Variants in TMEM200A observed in about 807,000 individuals in gnomAD.
TMEM200A encodes transmembrane protein 200A.
In TMEM200A, 12 loss-of-function variants were observed where a neutral mutation model predicts 24.3. The ratio of observed to expected loss-of-function variants is 0.49; its 90% CI spans 0.32 to 0.80. The LOEUF (loss-of-function observed/expected upper bound fraction) is 0.80. Among genes scored for constraint, TMEM200A ranks in the 30% least tolerant of loss-of-function variants. The pLI, the probability that TMEM200A is intolerant of heterozygous loss-of-function variation, is 0.04. For missense variants in TMEM200A, 545 were observed against 614.4 expected (o/e 0.89, Z 1.19); for synonymous variants, 224 against 224.4 (o/e 1.00, Z 0.02).
At chr6:130,407,518 T>C (rs1056653624) in intron 2 of TMEM200A, among the ~76,000 whole-genome samples, 3 of 152,248 alleles carry the variant, frequency 2.0e-5, no homozygotes, top group African/African-American at 4.8e-5. Flanking sequence ...TTGCCTCAAT[T>C]AGCACTCTTT....
chr6:130,386,620 C>T (rs1778717628), intron 2 of TMEM200A, among the ~76,000 whole-genome samples: 1 of 152,156 alleles, frequency 6.6e-6, no homozygotes, highest in African/African-American at 2.4e-5. Flanking sequence ...CCTTTTCAAA[C>T]ATCAACTTCT....
At chr6:130,378,742 AG>A (rs1778527816) in intron 1 of TMEM200A, among the ~76,000 whole-genome samples, 1 of 151,244 alleles carries the variant, frequency 6.6e-6, no homozygotes, top group East Asian at 1.9e-4. Context: ...AAAAAAAAAA[AG>A]ATCTTGAGTA....
intron 2 of TMEM200A, among the ~76,000 whole-genome samples, chr6:130,406,883 G>C (rs1779220505): frequency 1.3e-5 from 2 of 152,214 alleles, no homozygotes; most frequent in South Asian, 4.1e-4. Context: ...TTGATCTCTT[G>C]ATGGCTGATC....
rs948473564 is a variant in TMEM200A, at chr6:130,407,684, G to A, written c.-17+22448G>A. On this transcript the variant is annotated intron_variant, in intron 2 of 2. Coordinates refer to ENST00000296978, the MANE Select transcript of TMEM200A (RefSeq NM_001258277.2). ...AGATGAGTAAGAGCCAAGAAGCTCCGAGGTGCCTCTAATGTGAAGGGGAAA... is the reference window on the plus strand; with the variant it reads ...AGATGAGTAAGAGCCAAGAAGCTCCAAGGTGCCTCTAATGTGAAGGGGAAA... Among the ~76,000 whole-genome samples the A allele has an allele frequency of 2.6e-5, 4 of 152,184 alleles. No homozygotes were observed. The East Asian group carries it at 5.8e-4, about 22-fold the overall frequency.
intron 2 of TMEM200A, among the ~76,000 whole-genome samples, chr6:130,402,196 TAAAC>T (rs542817695): frequency 5.5e-4 from 84 of 151,868 alleles, no homozygotes; most frequent in African/African-American, 1.5e-3. Flanking sequence ...GTTCATATAA[TAAAC>T]AAACAGAGTA....
intron 2 of TMEM200A, among the ~76,000 whole-genome samples, chr6:130,387,963 C>T (rs562461042): frequency 9.3e-4 from 141 of 152,168 alleles, no homozygotes; most frequent in African/African-American, 3.1e-3. Context: ...AATTGATTTG[C>T]GGTTAGTTTC....
chr6:130,438,526 G>C (rs1387851159), intron 2 of TMEM200A: 1 of 152,134 alleles, frequency 6.6e-6, no homozygotes. Context: ...AATCAAGATA[G>C]ATATTTTACC....
chr6:130,419,059 A>G (rs952872226), intron 2 of TMEM200A, among the ~76,000 whole-genome samples: 2 of 152,130 alleles, frequency 1.3e-5, no homozygotes, highest in Non-Finnish European at 2.9e-5. Flanking sequence ...ACACTTCTAC[A>G]TACCACCACT....
At chr6:130,397,893 A>G (rs1778987943) in intron 2 of TMEM200A, among the ~76,000 whole-genome samples, 1 of 151,490 alleles carries the variant, frequency 6.6e-6, no homozygotes, top group Admixed American at 6.6e-5. Flanking sequence ...TTATTTTAAA[A>G]TATAGTAATA....
intron 1 of TMEM200A, among the ~76,000 whole-genome samples, chr6:130,373,227 G>A (rs1214343184): frequency 6.6e-6 from 1 of 152,164 alleles, no homozygotes; most frequent in Non-Finnish European, 1.5e-5. Context: ...ACATACATGT[G>A]CAAGTATTTG....
intron 2 of TMEM200A, among the ~76,000 whole-genome samples, chr6:130,388,964 T>C (rs779769410): frequency 5.3e-5 from 8 of 152,148 alleles, no homozygotes; most frequent in Non-Finnish European, 1.2e-4. Context: ...ATTTCTTGAA[T>C]AGATATGAGA....
At chr6:130,393,114 A>G (rs1778873777) in intron 2 of TMEM200A, among the ~76,000 whole-genome samples, 1 of 152,244 alleles carries the variant, frequency 6.6e-6, no homozygotes, top group Non-Finnish European at 1.5e-5. Flanking sequence ...CCATGCAGGC[A>G]TCTCTGTTGG....
At chr6:130,409,639 T>C (rs1233477757) in intron 2 of TMEM200A, among the ~76,000 whole-genome samples, 1 of 152,200 alleles carries the variant, frequency 6.6e-6, no homozygotes, top group Non-Finnish European at 1.5e-5. Flanking sequence ...GTCATTCTTA[T>C]AATACAAAGT....
intron 2 of TMEM200A, among the ~76,000 whole-genome samples, chr6:130,405,446 CTT>C (rs1779182862): frequency 6.6e-6 from 1 of 152,002 alleles, no homozygotes; most frequent in Non-Finnish European, 1.5e-5. Flanking sequence ...TTTTCAGAAA[CTT>C]TTAAGAATTG....
At chr6:130,380,622 T>C (rs1029850402) in intron 1 of TMEM200A, among the ~76,000 whole-genome samples, 5 of 152,170 alleles carry the variant, frequency 3.3e-5, no homozygotes, top group Non-Finnish European at 5.9e-5. Context: ...TATGTGATGG[T>C]GGACCCTGAG....
chr6:130,423,374 T>C (rs548232721), intron 2 of TMEM200A, among the ~76,000 whole-genome samples: 49 of 152,188 alleles, frequency 3.2e-4, no homozygotes, highest in African/African-American at 1.1e-3. Context: ...TCACTTAACA[T>C]ATTTACTGAA....
Position 130,366,690 on chromosome 6 carries a change from C to T in TMEM200A, c.-81+166C>T. The T allele has an allele frequency of 1.7e-6, 1 of 595,976 alleles. No homozygotes were observed. Among genetic ancestry groups the T allele is most frequent in the Non-Finnish European group, 2.1e-6 (1 of 473,988 alleles). The allele number at this position is 595,976 out of a possible 1,614,324, so 36.9% of individuals were successfully genotyped here. ...TAAAGTTTGGGAAATAAACCAAGTC[C>T]GCCATCAGGTCCAGACTCCCCAGTC... On this transcript the variant is annotated intron_variant, in intron 1 of 2. Transcript: ENST00000296978. The surrounding 1 kb of genome is among the most constrained non-coding windows in gnomAD (Gnocchi z 4.4).
intron 2 of TMEM200A, among the ~76,000 whole-genome samples, chr6:130,427,576 G>C (rs937842141): frequency 2.0e-5 from 3 of 152,038 alleles, no homozygotes; most frequent in Non-Finnish European, 4.4e-5. Flanking sequence ...CAGCAGGCAG[G>C]GGGTGGCAAA....
intron 2 of TMEM200A, among the ~76,000 whole-genome samples, chr6:130,386,253 C>T (rs1338537042): frequency 6.6e-6 from 1 of 152,042 alleles, no homozygotes; most frequent in Non-Finnish European, 1.5e-5. Flanking sequence ...GAGGAAGGGT[C>T]GGGGTATGTG....
Sources: gnomAD v4.1 joint callset for allele counts (sites outside exome capture counted in the v4.1 genomes callset) on GRCh38, gnomAD v4.1.1 for gene constraint, Gnocchi (gnomAD v3.1) non-coding constraint, MANE v1.5 for transcripts, NCBI Gene and HGNC (gene_info 2026-07-23, HGNC 2026-07-21) for gene names.